AKAP7: variants seen among roughly 807,000 people sequenced by gnomAD.
The protein encoded by AKAP7 is A kinase (PRKA) anchor protein 7.
AKAP7 carries 39 observed loss-of-function variants against 39.5 expected under a neutral mutation model. The observed-to-expected ratio is 0.99, with a 90% CI of 0.76 to 1.29. The LOEUF (loss-of-function observed/expected upper bound fraction) is 1.29, where lower values mean the gene tolerates loss of function less well. Ranked by LOEUF, AKAP7 falls within the 50% of genes most tolerant of loss-of-function variation. AKAP7 has a pLI of 0.00. For synonymous variants in AKAP7, 140 were observed against 139.1 expected, an observed-to-expected ratio of 1.01 and a Z score of -0.05; for missense variants, 414 against 407.7, an observed-to-expected ratio of 1.02 and a Z score of -0.13.
chr6:131,192,447 A>G (rs919434899), intron 5 of AKAP7, among the ~76,000 whole-genome samples: 1 of 152,046 alleles, frequency 6.6e-6, no homozygotes, highest in Non-Finnish European at 1.5e-5. Context: ...ATTGATCTAT[A>G]TGTCTGTTTT....
chr6:131,258,923 C>G (rs1003014514), intron 7 of AKAP7, among the ~76,000 whole-genome samples: 1 of 152,098 alleles, frequency 6.6e-6, no homozygotes, highest in African/African-American at 2.4e-5. Flanking sequence ...TGTGGATTGA[C>G]AGAGGATCTC....
intron 7 of AKAP7, among the ~76,000 whole-genome samples, chr6:131,251,688 C>T (rs1812459749): frequency 6.6e-6 from 1 of 152,162 alleles, no homozygotes; most frequent in Non-Finnish European, 1.5e-5. Flanking sequence ...AACTGTGGAG[C>T]ATTTGATTGT....
intron 7 of AKAP7, among the ~76,000 whole-genome samples, chr6:131,251,511 A>G (rs771015757): frequency 2.0e-4 from 31 of 152,148 alleles, no homozygotes; most frequent in Non-Finnish European, 3.8e-4. Flanking sequence ...ACTGAAAGAT[A>G]TACGTCTGGT....
rs780216925 is a variant in AKAP7 at position 131,281,600 on chromosome 6, G to C, written c.921G>C (p.Ala307=). Residue 307 remains alanine, a synonymous_variant, in exon 8 of 8, where the codon GCG becomes GCC. Coordinates refer to ENST00000431975, the MANE Select transcript of AKAP7 (RefSeq NM_016377.4). The surrounding 1 kb of genome is among the most constrained non-coding windows in gnomAD (Gnocchi z 4.0). Reference sequence around the variant, plus strand: ...TCAGTAAGAGGCTGGTGGAGAACGCGGTGCTCAAGGCTGTCCAGCAGTATC... The same window carrying C: ...TCAGTAAGAGGCTGGTGGAGAACGCCGTGCTCAAGGCTGTCCAGCAGTATC... ...VRLSKRLVEN[A]VLKAVQQYLE... is the part of the protein sequence containing the mutation. The C allele has an allele frequency of 1.9e-6, 3 of 1,613,356 alleles. No homozygotes were observed. Among genetic ancestry groups the C allele is most frequent in the South Asian group, 2.2e-5 (2 of 90,980 alleles).
chr6:131,219,005 A>G (rs1261586968), intron 6 of AKAP7, among the ~76,000 whole-genome samples: 2 of 152,164 alleles, frequency 1.3e-5, no homozygotes, highest in Non-Finnish European at 2.9e-5. Context: ...GCAGTGGCCC[A>G]CGTCTGTAAT....
intron 5 of AKAP7, among the ~76,000 whole-genome samples, chr6:131,173,257 AT>A (rs1804257209): frequency 6.6e-6 from 1 of 151,780 alleles, no homozygotes; most frequent in African/African-American, 2.4e-5. Context: ...TATCAGGACT[AT>A]TTCTCTTGAA....
At chr6:131,171,211 C>T (rs189926494) in intron 5 of AKAP7, among the ~76,000 whole-genome samples, 13 of 151,982 alleles carry the variant, frequency 8.6e-5, no homozygotes, top group Middle Eastern at 3.4e-3. Flanking sequence ...TAGCCTTGTG[C>T]AGAAACAAAC....
chr6:131,188,294 G>T (rs1045337445), intron 5 of AKAP7, among the ~76,000 whole-genome samples: 2 of 152,134 alleles, frequency 1.3e-5, no homozygotes, highest in Non-Finnish European at 2.9e-5. Context: ...GCAGTATGTG[G>T]ATACAGGAAT....
intron 7 of AKAP7, among the ~76,000 whole-genome samples, chr6:131,241,330 G>A (rs1013032056): frequency 6.6e-6 from 1 of 151,992 alleles, no homozygotes. Flanking sequence ...GTAGGCAGGA[G>A]AATCAATATT....
intron 6 of AKAP7, among the ~76,000 whole-genome samples, chr6:131,218,464 C>T (rs1456641312): frequency 6.6e-6 from 1 of 152,138 alleles, no homozygotes; most frequent in African/African-American, 2.4e-5. Flanking sequence ...AAAAACTAAA[C>T]ACATAAAATT....
intron 7 of AKAP7, among the ~76,000 whole-genome samples, chr6:131,248,140 A>T (rs1042212433): frequency 6.6e-6 from 1 of 152,162 alleles, no homozygotes; most frequent in South Asian, 2.1e-4. Flanking sequence ...CAAGATTACT[A>T]CCTGGTGCTA....
intron 5 of AKAP7, among the ~76,000 whole-genome samples, chr6:131,176,403 T>C (rs375108926): frequency 6.6e-6 from 1 of 152,248 alleles, no homozygotes; most frequent in African/African-American, 2.4e-5. Context: ...CATTTTATAA[T>C]GAATGATGAA....
intron 7 of AKAP7, chr6:131,250,079 C>A (rs1055758755): frequency 6.0e-5 from 46 of 769,572 alleles, no homozygotes; most frequent in Non-Finnish European, 7.3e-5. Context: ...CCACAATCTC[C>A]TAGGGATAAA....
chr6:131,219,555 G>A (rs1372117146), intron 6 of AKAP7, 106 bp from the exon 7 acceptor site: 10 of 1,034,784 alleles, frequency 9.7e-6, no homozygotes, highest in Admixed American at 3.0e-5. Context: ...AGGCAGTGGT[G>A]TAACAATGTA....
At chr6:131,187,305 A>G (rs1805961333) in intron 5 of AKAP7, among the ~76,000 whole-genome samples, 2 of 151,984 alleles carry the variant, frequency 1.3e-5, no homozygotes, top group Non-Finnish European at 2.9e-5. Context: ...TCTTTTAGCA[A>G]TGTTTCATAG....
At chr6:131,140,755 A>G (rs2128224374) in intron 1 of AKAP7, among the ~76,000 whole-genome samples, 1 of 152,332 alleles carries the variant, frequency 6.6e-6, no homozygotes, top group African/African-American at 2.4e-5. Context: ...TTTCAAGTGT[A>G]ACATACATGG....
intron 7 of AKAP7, among the ~76,000 whole-genome samples, chr6:131,275,828 G>A (rs1398886662): frequency 2.6e-5 from 4 of 152,182 alleles, no homozygotes; most frequent in South Asian, 2.1e-4. Flanking sequence ...TTCCAAATGC[G>A]CCAGCACTTG....
At chr6:131,237,545 TTTGG>T (rs1386754696) in intron 7 of AKAP7, among the ~76,000 whole-genome samples, 2 of 152,166 alleles carry the variant, frequency 1.3e-5, no homozygotes, top group African/African-American at 2.4e-5. Context: ...CTGGACTTTT[TTTGG>T]TTGGTAAGCT....
chr6:131,198,039 G>A (rs1807128979), intron 5 of AKAP7, among the ~76,000 whole-genome samples: 1 of 152,146 alleles, frequency 6.6e-6, no homozygotes, highest in African/African-American at 2.4e-5. Flanking sequence ...TTGAGATAAT[G>A]GGAGTGCTAG....
Sources: allele counts gnomAD v4.1 joint callset (sites outside exome capture counted in the v4.1 genomes callset), GRCh38; gene constraint gnomAD v4.1.1; non-coding constraint Gnocchi (gnomAD v3.1); transcripts MANE v1.5; gene names NCBI Gene and HGNC (gene_info 2026-07-23, HGNC 2026-07-21).